LRMDA: variants seen among roughly 807,000 people sequenced by gnomAD.
The protein encoded by LRMDA is leucine rich melanocyte differentiation associated, also known as leucine-rich melanocyte differentiation-associated protein.
In LRMDA, 18 loss-of-function variants were observed where a neutral mutation model predicts 29.8. The observed-to-expected ratio is 0.60, with a 90% CI of 0.42 to 0.90. The LOEUF is 0.90. LRMDA is among the 40% of genes least tolerant of loss of function. The probability of loss-of-function intolerance (pLI) is 0.00; values close to 1 mark genes in which losing one functional copy is unlikely to be tolerated. For synonymous variants in LRMDA, 125 were observed against 109.4 expected (o/e 1.14, Z -0.89); for missense variants, 273 against 273.9 (o/e 1.00, Z 0.02).
At chr10:76,190,908 G>A (rs921304867) in intron 5 of LRMDA, among the ~76,000 whole-genome samples, 1 of 152,204 alleles carries the variant, frequency 6.6e-6, no homozygotes, top group Non-Finnish European at 1.5e-5. Context: ...TGGTTAATTG[G>A]TAATGATTAG....
At chr10:76,213,003 G>A (rs1167754446) in intron 5 of LRMDA, among the ~76,000 whole-genome samples, 1 of 152,210 alleles carries the variant, frequency 6.6e-6, no homozygotes, top group Admixed American at 6.5e-5. Flanking sequence ...TACTCCATGA[G>A]TGGGAGAAGA....
chr10:76,348,471 C>A (rs574972703), intron 6 of LRMDA, among the ~76,000 whole-genome samples: 1 of 152,322 alleles, frequency 6.6e-6, no homozygotes, highest in South Asian at 2.1e-4. Flanking sequence ...CTGGGTAACA[C>A]CCTGGCATCT....
At chr10:76,475,665 C>T (rs1231041748) in intron 6 of LRMDA, among the ~76,000 whole-genome samples, 1 of 152,084 alleles carries the variant, frequency 6.6e-6, no homozygotes, top group African/African-American at 2.4e-5. Flanking sequence ...CACTCCTCAG[C>T]AAATGTAAAA....
At chr10:76,252,584 A>G (rs922892686) in intron 5 of LRMDA, among the ~76,000 whole-genome samples, 1 of 152,190 alleles carries the variant, frequency 6.6e-6, no homozygotes, top group African/African-American at 2.4e-5. Context: ...GTTCTTTTGG[A>G]CTTGGTCAGA....
At chr10:76,236,542 C>G (rs1178092981) in intron 5 of LRMDA, among the ~76,000 whole-genome samples, 1 of 152,176 alleles carries the variant, frequency 6.6e-6, no homozygotes, top group Admixed American at 6.5e-5. Flanking sequence ...ACTCTTTAAC[C>G]AATCAATGGT....
chr10:75,952,717 A>T (rs1035839645), intron 2 of LRMDA, among the ~76,000 whole-genome samples: 12 of 151,742 alleles, frequency 7.9e-5, no homozygotes, highest in Admixed American at 2.0e-4. Context: ...TATATGTAGG[A>T]TTTAAAATAT....
chr10:76,237,046 A>G (rs537202428), intron 5 of LRMDA, among the ~76,000 whole-genome samples: 1 of 152,252 alleles, frequency 6.6e-6, no homozygotes, highest in East Asian at 1.9e-4. Context: ...AACTCCAGTC[A>G]TTTTGTTGCC....
At chr10:76,254,938 C>T (rs1852565236) in intron 5 of LRMDA, among the ~76,000 whole-genome samples, 1 of 152,206 alleles carries the variant, frequency 6.6e-6, no homozygotes, top group Non-Finnish European at 1.5e-5. Flanking sequence ...GCCACAAACC[C>T]TTAGCCTGGC....
At chr10:75,650,913 T>C (rs1841590846) in intron 2 of LRMDA, among the ~76,000 whole-genome samples, 1 of 152,114 alleles carries the variant, frequency 6.6e-6, no homozygotes, top group African/African-American at 2.4e-5. Context: ...ATCAGCATTA[T>C]AGATGGTCGC....
At position 75,470,102 on chromosome 10, in the gene LRMDA, A is replaced by G. The variant is rs1334480812; in HGVS notation, c.131+31608A>G. On this transcript the variant is annotated intron_variant, in intron 2 of 6. Transcript: ENST00000611255. ...CTGCATTTCCTCTGCCACCATCAAC[A>G]TGGTTTGAGGACCAGGTCAGAAACC... Among the ~76,000 whole-genome samples the G allele has an allele frequency of 2.0e-5, 3 of 152,226 alleles. No homozygotes were observed. In the East Asian group the frequency reaches 5.8e-4, roughly 29 times the overall value.
In LRMDA at chr10:76,185,092, T is replaced by TA. The variant is rs544665670; in HGVS notation, c.516+126317dup. Among the ~76,000 whole-genome samples the TA allele has an allele frequency of 2.1e-4, 32 of 152,068 alleles. No individual in the cohort carries two copies. In the South Asian group the frequency reaches 4.1e-3, roughly 20 times the overall value. ...TATTGGCTTTGTATATCTCATGTAT[T>TA]AAAAAAAATACTCTTTCTGATTTTA... On this transcript the variant is annotated intron_variant, in intron 5 of 6. Coordinates refer to ENST00000611255, the MANE Select transcript of LRMDA (RefSeq NM_001305581.2).
At chr10:75,980,291 C>G (rs571244783) in intron 2 of LRMDA, among the ~76,000 whole-genome samples, 1 of 152,332 alleles carries the variant, frequency 6.6e-6, no homozygotes, top group South Asian at 2.1e-4. Context: ...CCAAAGGGAT[C>G]AAGCACACTG....
intron 6 of LRMDA, among the ~76,000 whole-genome samples, chr10:76,534,900 C>A (rs1292185594): frequency 1.3e-5 from 2 of 152,152 alleles, no homozygotes; most frequent in Admixed American, 6.5e-5. Flanking sequence ...TTAGTTCTAT[C>A]CACCCACCCC....
chr10:75,940,612 C>G (rs180811429), intron 2 of LRMDA, among the ~76,000 whole-genome samples: 6 of 152,278 alleles, frequency 3.9e-5, no homozygotes, highest in Admixed American at 2.6e-4. Flanking sequence ...CGTCCCATCT[C>G]ATCGCCACTC....
chr10:76,394,340 G>A (rs1319394665), intron 6 of LRMDA, among the ~76,000 whole-genome samples: 2 of 152,114 alleles, frequency 1.3e-5, no homozygotes, highest in African/African-American at 4.8e-5. Flanking sequence ...GAGTCCAAAT[G>A]TTCTGTATTA....
At chr10:76,420,934 G>T (rs1302974586) in intron 6 of LRMDA, among the ~76,000 whole-genome samples, 1 of 152,028 alleles carries the variant, frequency 6.6e-6, no homozygotes, top group Non-Finnish European at 1.5e-5. Flanking sequence ...TTATAGCCTG[G>T]AATATGTTTA....
chr10:75,583,926 T>C (rs1840625445), intron 2 of LRMDA, among the ~76,000 whole-genome samples: 1 of 152,122 alleles, frequency 6.6e-6, no homozygotes, highest in South Asian at 2.1e-4. Flanking sequence ...CTGCCCTCAG[T>C]TGTGTCTCCC....
intron 2 of LRMDA, among the ~76,000 whole-genome samples, chr10:75,540,075 T>C (rs1013396644): frequency 1.3e-5 from 2 of 152,138 alleles, no homozygotes; most frequent in Non-Finnish European, 2.9e-5. Flanking sequence ...GCAGAAATAA[T>C]AACAGATAAT....
chr10:75,982,807 G>A (rs1847195825), intron 2 of LRMDA, among the ~76,000 whole-genome samples: 4 of 152,150 alleles, frequency 2.6e-5, no homozygotes, highest in Admixed American at 1.3e-4. Flanking sequence ...ACACAGGACC[G>A]GGCATGAGCT....
Sources: allele counts gnomAD v4.1 joint callset (sites outside exome capture counted in the v4.1 genomes callset), GRCh38; gene constraint gnomAD v4.1.1; transcripts MANE v1.5; gene names NCBI Gene and HGNC (gene_info 2026-07-23, HGNC 2026-07-21).